KCNIP4: variants seen among roughly 807,000 people sequenced by gnomAD.
KCNIP4 encodes the protein potassium voltage-gated channel interacting protein 4.
In KCNIP4, 12 loss-of-function variants were observed where a neutral mutation model predicts 34.0. The observed-to-expected ratio is 0.35, with a 90% confidence interval of 0.23 to 0.57. The LOEUF is 0.57. Ranked by LOEUF, KCNIP4 falls within the 20% of genes least tolerant of loss-of-function variation. The probability of loss-of-function intolerance (pLI) is 0.83; values close to 1 mark genes in which losing one functional copy is unlikely to be tolerated. For missense variants in KCNIP4, 238 were observed against 311.7 expected (o/e 0.76, Z 1.78); for synonymous variants, 124 against 102.2 (o/e 1.21, Z -1.29).
intron 1 of KCNIP4, among the ~76,000 whole-genome samples, chr4:21,265,688 G>A (rs1761761036): frequency 6.6e-6 from 1 of 152,160 alleles, no homozygotes; most frequent in Admixed American, 6.5e-5. Context: ...GAATCATAAT[G>A]GAAAATAAGT....
At chr4:20,879,786 A>G (rs1724474164) in intron 2 of KCNIP4, among the ~76,000 whole-genome samples, 1 of 152,192 alleles carries the variant, frequency 6.6e-6, no homozygotes, top group African/African-American at 2.4e-5. Flanking sequence ...TTGAAAGGCC[A>G]ATTTGTGGAA....
chr4:20,813,130 G>C (rs1426917815), intron 3 of KCNIP4, among the ~76,000 whole-genome samples: 1 of 152,110 alleles, frequency 6.6e-6, no homozygotes, highest in Non-Finnish European at 1.5e-5. Context: ...GTGATTTAGG[G>C]TTGGGATGTG....
intron 1 of KCNIP4, among the ~76,000 whole-genome samples, chr4:20,979,533 G>A (rs1577476262): frequency 6.6e-6 from 1 of 151,862 alleles, no homozygotes; most frequent in East Asian, 1.9e-4. Flanking sequence ...CGAGTAGCTG[G>A]GACTACCGGC....
At chr4:21,599,505 A>G (rs765558213) in intron 1 of KCNIP4, among the ~76,000 whole-genome samples, 4 of 152,098 alleles carry the variant, frequency 2.6e-5, no homozygotes, top group Non-Finnish European at 5.9e-5. Flanking sequence ...AATAGGTGCC[A>G]CAGACTGTGT....
intron 1 of KCNIP4, among the ~76,000 whole-genome samples, chr4:21,099,658 C>T (rs530346805): frequency 5.3e-5 from 8 of 152,084 alleles, no homozygotes; most frequent in Non-Finnish European, 1.0e-4. Context: ...AAATAAATTT[C>T]TTAATGTTAT....
chr4:20,962,522 TAGTC>T (rs1193335934), intron 1 of KCNIP4, among the ~76,000 whole-genome samples: 1 of 152,174 alleles, frequency 6.6e-6, no homozygotes, highest in East Asian at 1.9e-4. Flanking sequence ...GGGACCCTGA[TAGTC>T]AGAACAAGAG....
intron 1 of KCNIP4, among the ~76,000 whole-genome samples, chr4:20,989,392 G>A (rs1736881389): frequency 6.6e-6 from 1 of 152,184 alleles, no homozygotes; most frequent in South Asian, 2.1e-4. Context: ...TAAGGTCAGG[G>A]ACTTGGAAGT....
chr4:20,948,049 A>T (rs1732381381), intron 1 of KCNIP4, among the ~76,000 whole-genome samples: 1 of 152,236 alleles, frequency 6.6e-6, no homozygotes, highest in Admixed American at 6.5e-5. Context: ...GAGGGGATAC[A>T]GTCAGTGCTG....
intron 1 of KCNIP4, among the ~76,000 whole-genome samples, chr4:21,288,885 A>C (rs1763275500): frequency 6.6e-6 from 1 of 152,148 alleles, no homozygotes; most frequent in Non-Finnish European, 1.5e-5. Flanking sequence ...CTCCATCCAT[A>C]TTGCTCCAAA....
chr4:21,237,511 G>T (rs1340011476), intron 1 of KCNIP4, among the ~76,000 whole-genome samples: 1 of 151,956 alleles, frequency 6.6e-6, no homozygotes, highest in Non-Finnish European at 1.5e-5. Context: ...AAAGAGAGAA[G>T]AATCAAATAC....
chr4:21,410,500 A>G (rs1724408846), intron 1 of KCNIP4, among the ~76,000 whole-genome samples: 1 of 152,166 alleles, frequency 6.6e-6, no homozygotes, highest in South Asian at 2.1e-4. Context: ...AAGCAACACT[A>G]TGGAAAAACC....
intron 1 of KCNIP4, among the ~76,000 whole-genome samples, chr4:21,715,452 C>T (rs189546860): frequency 8.5e-5 from 13 of 152,096 alleles, no homozygotes; most frequent in African/African-American, 3.1e-4. Flanking sequence ...TTTTACACAA[C>T]CAAGTTACTG....
intron 1 of KCNIP4, among the ~76,000 whole-genome samples, chr4:21,249,710 T>C (rs533172638): frequency 6.6e-6 from 1 of 152,254 alleles, no homozygotes; most frequent in South Asian, 2.1e-4. Flanking sequence ...TTTGAAGATG[T>C]TCATTTAGAA....
At chr4:21,729,146 TC>T (rs1176447050) in intron 1 of KCNIP4, among the ~76,000 whole-genome samples, 2 of 152,176 alleles carry the variant, frequency 1.3e-5, no homozygotes, top group Non-Finnish European at 2.9e-5. Flanking sequence ...TACAGGGTTT[TC>T]CCTACCCATA....
intron 1 of KCNIP4, among the ~76,000 whole-genome samples, chr4:21,068,536 G>A (rs111784193): frequency 0.025 from 3,857 of 152,182 alleles, 151 homozygotes; most frequent in African/African-American, 0.088. Flanking sequence ...ATTAGGTCAA[G>A]CAGGCTCCAC....
intron 1 of KCNIP4, among the ~76,000 whole-genome samples, chr4:21,465,543 T>C (rs1446001333): frequency 1.3e-5 from 2 of 152,086 alleles, no homozygotes; most frequent in Admixed American, 6.6e-5. Flanking sequence ...AATAACCCCA[T>C]TACATTGGCT....
intron 3 of KCNIP4, among the ~76,000 whole-genome samples, chr4:20,787,557 G>A (rs1403841908): frequency 2.0e-5 from 3 of 151,956 alleles, no homozygotes; most frequent in African/African-American, 4.8e-5. Flanking sequence ...AAATAAGTCT[G>A]TATCTCTATG....
intron 1 of KCNIP4, among the ~76,000 whole-genome samples, chr4:21,493,755 C>T (rs1271723926): frequency 1.3e-5 from 2 of 152,148 alleles, no homozygotes; most frequent in African/African-American, 4.8e-5. Context: ...AAGGGTCTGC[C>T]TCAGTAGATC....
intron 8 of KCNIP4, 131 bp from the exon 9 acceptor site, chr4:20,730,260 G>GTT: frequency 4.4e-6 from 5 of 1,124,258 alleles, no homozygotes; most frequent in Non-Finnish European, 4.8e-6. Context: ...AATATTAAGT[G>GTT]TTTGCAAATG....
Sources: allele counts gnomAD v4.1 joint callset (sites outside exome capture counted in the v4.1 genomes callset), GRCh38; gene constraint gnomAD v4.1.1; transcripts MANE v1.5; gene names NCBI Gene and HGNC (gene_info 2026-07-23, HGNC 2026-07-21).